Variants in MYOM1 observed in about 807,000 individuals in gnomAD.
MYOM1 encodes the protein myomesin 1, also known as myomesin-1.
A neutral mutation model predicts 205.3 loss-of-function variants in MYOM1; 164 were observed. The ratio of observed to expected loss-of-function variants is 0.80; its 90% CI spans 0.70 to 0.91. The LOEUF (loss-of-function observed/expected upper bound fraction) is 0.91, where lower values mean the gene tolerates loss of function less well. MYOM1 is among the 40% of genes least tolerant of loss of function. The pLI is 0.00. For missense variants in MYOM1, 2,011 were observed against 2,127.3 expected, an observed-to-expected ratio of 0.95 and a Z score of 1.08; for synonymous variants, 772 against 789.4, an observed-to-expected ratio of 0.98 and a Z score of 0.37.
intron 5 of MYOM1, among the ~76,000 whole-genome samples, chr18:3,182,160 C>T (rs2080743475): frequency 6.6e-6 from 1 of 152,182 alleles, no homozygotes; most frequent in South Asian, 2.1e-4. Context: ...GATACCAACA[C>T]ATTGCTCCAA....
At chr18:3,119,841 G>T in intron 20 of MYOM1, 28 bp downstream of exon 20, 1 of 1,583,188 alleles carries the variant, frequency 6.3e-7, no homozygotes, top group Non-Finnish European at 8.6e-7. Context: ...TCCGAGGTGC[G>T]GTGTGGAGGC....
intron 10 of MYOM1, among the ~76,000 whole-genome samples, chr18:3,160,057 C>T (rs910144102): frequency 2.7e-5 from 4 of 149,124 alleles, no homozygotes; most frequent in African/African-American, 1.0e-4. Context: ...TCCTCCTCCT[C>T]CTCCTTCTTC....
Position 3,193,329 on chromosome 18 carries a change from C to T in MYOM1, c.431+489G>A, listed in dbSNP as rs1031299713. 4.8e-5 allele frequency among the ~76,000 whole-genome samples: 7 copies of T among 144,454 alleles called. 1 individual carries two copies. The Middle Eastern group carries it at 0.011, about 223-fold the overall frequency. The allele number at this position is 144,454 out of a possible 152,430, so 94.8% of individuals were successfully genotyped here. On this transcript the variant is annotated intron_variant, in intron 3 of 37. Transcript: ENST00000356443. ...ATATATATATGTATATGTACATATACATATATATGTACATATACATATATA... is the reference window on the plus strand; with the variant it reads ...ATATATATATGTATATGTACATATATATATATATGTACATATACATATATA...
At chr18:3,187,755 A>T in intron 4 of MYOM1, 118 bp from the exon 5 acceptor site, 1 of 990,212 alleles carries the variant, frequency 1.0e-6, no homozygotes. Context: ...TGGAAGCTTA[A>T]TTTTTTGTAG....
rs1267884229 is a variant in MYOM1, at chr18:3,179,974, G to A, written c.930-3840C>T. Among the ~76,000 whole-genome samples, 2 of 151,982 alleles carry A rather than the reference G, an allele frequency of 1.3e-5. No individual in the cohort carries two copies. The highest frequency in any genetic ancestry group is 2.9e-5 in the Non-Finnish European group (2 of 68,006). Reference sequence around the variant, plus strand: ...AATTCGGCTTCGGATCAAAAGTATTGCTCATATCTCTATAAAATTTTCATT... The same window carrying A: ...AATTCGGCTTCGGATCAAAAGTATTACTCATATCTCTATAAAATTTTCATT... On this transcript the variant is annotated intron_variant, in intron 5 of 37. Coordinates refer to ENST00000356443, the MANE Select transcript of MYOM1 (RefSeq NM_003803.4). This position sits in a 1 kb window ranked among gnomAD's most constrained non-coding sequence, Gnocchi z 4.4.
intron 2 of MYOM1, among the ~76,000 whole-genome samples, chr18:3,198,196 C>A (rs779512483): frequency 6.6e-6 from 1 of 152,084 alleles, no homozygotes; most frequent in Non-Finnish European, 1.5e-5. Flanking sequence ...TGTATTCATG[C>A]TTATGGGAAG....
intron 14 of MYOM1, among the ~76,000 whole-genome samples, chr18:3,137,099 C>A (rs868393529): frequency 6.6e-6 from 1 of 151,760 alleles, no homozygotes; most frequent in Non-Finnish European, 1.5e-5. Context: ...TACAGGCGCC[C>A]CCCACCACAC....
chr18:3,116,630 A>T (rs2079610782), intron 20 of MYOM1, 115 bp from the exon 21 acceptor site: 1 of 953,190 alleles, frequency 1.0e-6, no homozygotes, highest in Admixed American at 3.2e-5. Flanking sequence ...CTTTTTTCAA[A>T]ATCTAGCTTT....
At chr18:3,163,939 A>C (rs995032516) in intron 10 of MYOM1, among the ~76,000 whole-genome samples, 2 of 150,974 alleles carry the variant, frequency 1.3e-5, no homozygotes, top group African/African-American at 4.9e-5. Flanking sequence ...TGCAGCCTTG[A>C]CTTCTCGGGC....
intron 22 of MYOM1, among the ~76,000 whole-genome samples, chr18:3,109,249 C>T (rs1386639101): frequency 6.6e-6 from 1 of 152,208 alleles, no homozygotes; most frequent in African/African-American, 2.4e-5. Context: ...TCCCAAAGTG[C>T]TGGGATTACA....
chr18:3,084,364 T>A (rs1342181150), intron 31 of MYOM1, among the ~76,000 whole-genome samples: 1 of 151,908 alleles, frequency 6.6e-6, no homozygotes, highest in African/African-American at 2.4e-5. Context: ...TTAGTTTACA[T>A]TAGAGGACAT....
In MYOM1 at chr18:3,156,637, G is replaced by C. The variant is rs541348974; in HGVS notation, c.1502-1549C>G. 7.7e-4 allele frequency among the ~76,000 whole-genome samples: 113 copies of C among 147,510 alleles called. 6 individuals carry two copies. In the South Asian group the frequency reaches 0.024, roughly 31 times the overall value. On this transcript the variant is annotated intron_variant, in intron 10 of 37. Transcript: ENST00000356443. ...TTTTTTTTTTTTGAGACAGAGTCTT[G>C]CTCTGTCACCCAGGCTGGAGGGCAG...
intron 19 of MYOM1, among the ~76,000 whole-genome samples, chr18:3,123,418 A>G (rs62074941): frequency 0.16 from 23,607 of 152,082 alleles, 1,944 homozygotes; most frequent in East Asian, 0.31. Context: ...GTCTCTATTA[A>G]TAAATAACAA....
At chr18:3,115,580 T>G (rs1369602361) in intron 21 of MYOM1, among the ~76,000 whole-genome samples, 1 of 152,184 alleles carries the variant, frequency 6.6e-6, no homozygotes, top group Non-Finnish European at 1.5e-5. Flanking sequence ...TCAGTCACAT[T>G]TCATTCTAAG....
intron 10 of MYOM1, among the ~76,000 whole-genome samples, chr18:3,155,401 T>C (rs2080285662): frequency 6.6e-6 from 1 of 152,170 alleles, no homozygotes; most frequent in Non-Finnish European, 1.5e-5. Flanking sequence ...TCTTTTTGTA[T>C]TTTTGGTAGA....
At chr18:3,109,328 G>A (rs1023017304) in intron 22 of MYOM1, among the ~76,000 whole-genome samples, 1 of 152,144 alleles carries the variant, frequency 6.6e-6, no homozygotes, top group African/African-American at 2.4e-5. Context: ...AGGTTTTCCA[G>A]AGCTGAGCTC....
chr18:3,172,302 G>A (rs1255660885), intron 8 of MYOM1, among the ~76,000 whole-genome samples: 3 of 152,174 alleles, frequency 2.0e-5, no homozygotes, highest in Non-Finnish European at 4.4e-5. Flanking sequence ...GGGGTCATCA[G>A]AGAGGAGGCT....
chr18:3,200,316 T>C (rs1196880933), intron 2 of MYOM1, among the ~76,000 whole-genome samples: 3 of 152,296 alleles, frequency 2.0e-5, no homozygotes, highest in South Asian at 2.1e-4. Flanking sequence ...ACAATAAAAG[T>C]TATGAGACAT....
chr18:3,208,673 A>G (rs1230444939), intron 2 of MYOM1, among the ~76,000 whole-genome samples: 2 of 152,216 alleles, frequency 1.3e-5, no homozygotes, highest in African/African-American at 2.4e-5. Context: ...GACAAACCTT[A>G]GAATATTGTA....
Sources: allele counts gnomAD v4.1 joint callset (sites outside exome capture counted in the v4.1 genomes callset), GRCh38; gene constraint gnomAD v4.1.1; non-coding constraint Gnocchi (gnomAD v3.1); transcripts MANE v1.5; gene names NCBI Gene and HGNC (gene_info 2026-07-23, HGNC 2026-07-21).